The following GRK5 variants were observed in gnomAD, a reference collection of about 807,000 sequenced individuals.
GRK5 encodes g protein-coupled receptor kinase GRK5.
A neutral mutation model predicts 78.4 loss-of-function variants in GRK5; 40 were observed. That is an observed-to-expected ratio of 0.51 (90% CI 0.40 to 0.66). The LOEUF is 0.66. Ranked by LOEUF, GRK5 falls within the 30% of genes least tolerant of loss-of-function variation. GRK5 has a pLI of 0.00. For synonymous variants in GRK5, 289 were observed against 296.8 expected (o/e 0.97, Z 0.27); for missense variants, 598 against 759.9 (o/e 0.79, Z 2.50).
chr10:119,286,199 GTAA>G (rs1465182533), intron 1 of GRK5, among the ~76,000 whole-genome samples: 3 of 151,910 alleles, frequency 2.0e-5, no homozygotes, highest in African/African-American at 7.3e-5. Context: ...AGAGGATAGT[GTAA>G]TGAACACCCT....
chr10:119,296,897 T>C lies in GRK5; in HGVS notation c.53-29619T>C, dbSNP rs114104807. Among the ~76,000 whole-genome samples the C allele has an allele frequency of 2.3e-3, 352 of 152,362 alleles. 1 individual carries two copies. The highest frequency in any genetic ancestry group is 8.1e-3 in the African/African-American group (338 of 41,588). On this transcript the variant is annotated intron_variant, in intron 1 of 15. Coordinates refer to ENST00000392870, the MANE Select transcript of GRK5 (RefSeq NM_005308.3). ...GCGCAGGGCCCCACCCCCAGTGCTC[T>C]TGTGCAGAAAGACATACTGGTCACC...
At chr10:119,353,937 T>TC (rs1295429590) in intron 2 of GRK5, among the ~76,000 whole-genome samples, 4 of 148,506 alleles carry the variant, frequency 2.7e-5, no homozygotes, top group Admixed American at 6.7e-5. Context: ...TCTTTCTTTT[T>TC]TTTTTTTTTT....
Position 119,416,063 on chromosome 10 carries a change from G to A in GRK5, c.340-7103G>A, listed in dbSNP as rs190247839. 1.7e-3 allele frequency among the ~76,000 whole-genome samples: 265 copies of A among 152,270 alleles called. 1 individual carries two copies. The highest frequency in any genetic ancestry group is 6.1e-3 in the African/African-American group (254 of 41,540). ...TGGGGAGGCCTCTGGGTGTAGCTCT[G>A]AGTTGATTTCATGGTCTTTCAGTCC... On this transcript the variant is annotated intron_variant, in intron 4 of 15. Transcript: ENST00000392870.
chr10:119,444,623 T>C (rs1054380454), intron 12 of GRK5, among the ~76,000 whole-genome samples: 1 of 152,094 alleles, frequency 6.6e-6, no homozygotes, highest in African/African-American at 2.4e-5. Flanking sequence ...TGCCCTCTAA[T>C]GCCAGCCTCA....
chr10:119,339,799 C>T (rs1006548410), intron 2 of GRK5, among the ~76,000 whole-genome samples: 1 of 152,032 alleles, frequency 6.6e-6, no homozygotes, highest in African/African-American at 2.4e-5. Flanking sequence ...GAGGTTGAGG[C>T]AGGAGAAATT....
At position 119,431,619 on chromosome 10, in the gene GRK5, G is replaced by A. The variant is rs939328357; in HGVS notation, c.738+92G>A. ...AAGGGCGTGGTCCTCTAATGCGGCC[G>A]GTCCCCACCCCTGGGAAGGGGAATG... On this transcript the variant is annotated intron_variant, in intron 8 of 15. Coordinates refer to ENST00000392870, the MANE Select transcript of GRK5 (RefSeq NM_005308.3). The surrounding 1 kb of genome is among the most constrained non-coding windows in gnomAD (Gnocchi z 4.8). The A allele has an allele frequency of 3.4e-5, 49 of 1,447,080 alleles. No individual in the cohort carries two copies. Among genetic ancestry groups the A allele is most frequent in the South Asian group, 8.2e-5 (6 of 73,168 alleles). The allele number at this position is 1,447,080 out of a possible 1,614,324, so 89.6% of individuals were successfully genotyped here.
At chr10:119,349,263 A>G (rs933816144) in intron 2 of GRK5, among the ~76,000 whole-genome samples, 16 of 152,184 alleles carry the variant, frequency 1.1e-4, no homozygotes, top group African/African-American at 3.9e-4. Context: ...CCTCAGCTTC[A>G]TTGTCACAAA....
intron 1 of GRK5, among the ~76,000 whole-genome samples, chr10:119,298,584 T>G (rs1850122281): frequency 6.6e-6 from 1 of 152,198 alleles, no homozygotes. Flanking sequence ...GCTCTGCCTT[T>G]TCACCCTGCA....
intron 2 of GRK5, among the ~76,000 whole-genome samples, chr10:119,332,107 ATTTT>A (rs35213335): frequency 1.5e-5 from 2 of 131,806 alleles, no homozygotes; most frequent in Non-Finnish European, 1.6e-5. Context: ...TGTAATTTTG[ATTTT>A]TTTTTTTTTT....
intron 2 of GRK5, among the ~76,000 whole-genome samples, chr10:119,373,870 C>T (rs560053065): frequency 2.0e-5 from 3 of 152,290 alleles, no homozygotes; most frequent in Admixed American, 1.3e-4. Context: ...TGCAATAATA[C>T]GAGTGTGCCT....
intron 4 of GRK5, among the ~76,000 whole-genome samples, chr10:119,418,813 C>T (rs1160967529): frequency 1.3e-5 from 2 of 152,170 alleles, no homozygotes; most frequent in Non-Finnish European, 2.9e-5. Flanking sequence ...GGGTCCCGGA[C>T]CCCTGGGGCA....
At chr10:119,256,305 C>G (rs182332020) in intron 1 of GRK5, among the ~76,000 whole-genome samples, 2 of 152,312 alleles carry the variant, frequency 1.3e-5, no homozygotes, top group East Asian at 3.9e-4. Context: ...CAGCACCAGC[C>G]TGGGAGCTTG....
intron 1 of GRK5, among the ~76,000 whole-genome samples, chr10:119,320,667 CA>C (rs771432153): frequency 1.4e-4 from 21 of 152,186 alleles, no homozygotes; most frequent in Non-Finnish European, 2.4e-4. Flanking sequence ...GTGCTCCTGG[CA>C]GAATGAACAG....
intron 2 of GRK5, among the ~76,000 whole-genome samples, chr10:119,347,351 G>A (rs1008327715): frequency 1.1e-4 from 16 of 152,284 alleles, no homozygotes; most frequent in Middle Eastern, 3.4e-3. Context: ...ATGTGTGTGC[G>A]TGTGTGTACA....
At chr10:119,427,470 C>CTGCCATCAACAGCGT (rs1852715545) in intron 6 of GRK5, among the ~76,000 whole-genome samples, 2 of 151,874 alleles carry the variant, frequency 1.3e-5, no homozygotes, top group African/African-American at 4.8e-5. Context: ...ATCAGCATCA[C>CTGCCATCAACAGCGT]CACCATCATC....
chr10:119,426,738 C>T (rs916665529), intron 6 of GRK5, among the ~76,000 whole-genome samples: 1 of 152,052 alleles, frequency 6.6e-6, no homozygotes, highest in South Asian at 2.1e-4. Context: ...TCATCAGCAT[C>T]ACCGCCATCA....
intron 2 of GRK5, among the ~76,000 whole-genome samples, chr10:119,330,569 T>G (rs1278055000): frequency 6.6e-6 from 1 of 152,120 alleles, no homozygotes; most frequent in Non-Finnish European, 1.5e-5. Context: ...CAGTCCATAG[T>G]CTAGGACTAG....
Position 119,373,247 on chromosome 10 carries a change from G to T in GRK5, c.149-7568G>T, listed in dbSNP as rs546461518. On this transcript the variant is annotated intron_variant, in intron 2 of 15. Coordinates refer to ENST00000392870, the MANE Select transcript of GRK5 (RefSeq NM_005308.3). ...AAACTGGAGAGTATGTTAAAACACA[G>T]ATTTCTGGGCCCTACCAGTGGAATT... Among the ~76,000 whole-genome samples, 9 of 152,338 alleles carry T rather than the reference G, an allele frequency of 5.9e-5. No homozygotes were observed. The South Asian group carries it at 1.0e-3, about 18-fold the overall frequency.
chr10:119,376,565 T>TC (rs1851624263), intron 2 of GRK5, among the ~76,000 whole-genome samples: 1 of 147,054 alleles, frequency 6.8e-6, no homozygotes, highest in African/African-American at 2.5e-5. Context: ...TAATGCCTTT[T>TC]TTTTTTTTTT....
Sources: allele counts gnomAD v4.1 joint callset (sites outside exome capture counted in the v4.1 genomes callset), GRCh38; gene constraint gnomAD v4.1.1; non-coding constraint Gnocchi (gnomAD v3.1); transcripts MANE v1.5; gene names NCBI Gene and HGNC (gene_info 2026-07-23, HGNC 2026-07-21).